Variants in ROCK2 observed in about 807,000 individuals in gnomAD.
ROCK2 encodes Rho associated coiled-coil containing protein kinase 2.
Under a neutral mutation model 195.1 loss-of-function variants are expected in ROCK2, and 61 were observed. The ratio of observed to expected loss-of-function variants is 0.31; its 90% CI spans 0.25 to 0.39. The LOEUF is 0.39. Ranked by LOEUF, ROCK2 falls within the 10% of genes least tolerant of loss-of-function variation. The pLI is 1.00. For missense variants in ROCK2, 1,109 were observed against 1,637.4 expected (o/e 0.68, Z 5.57); for synonymous variants, 504 against 545.5 (o/e 0.92, Z 1.06).
chr2:11,318,410 T>C (rs1668294363), intron 1 of ROCK2, among the ~76,000 whole-genome samples: 1 of 152,228 alleles, frequency 6.6e-6, no homozygotes, highest in Non-Finnish European at 1.5e-5. Flanking sequence ...ATAAATGTCT[T>C]CTTTTGAGAA....
intron 5 of ROCK2, among the ~76,000 whole-genome samples, chr2:11,233,673 A>C (rs1665102161): frequency 6.6e-6 from 1 of 152,226 alleles, no homozygotes; most frequent in Admixed American, 6.5e-5. Flanking sequence ...GCAATGAACT[A>C]ACTGACATCA....
rs541234549 is a variant in ROCK2 at position 11,308,797 on chromosome 2, T to C, written c.142-21061A>G. On this transcript the variant is annotated intron_variant, in intron 1 of 32. Coordinates refer to ENST00000315872, the MANE Select transcript of ROCK2 (RefSeq NM_004850.5). Reference sequence around the variant, plus strand: ...GGTTTACCAGCACCAAGTGTTTTGCTTTCATGGAGATGGATGAAATTAAAC... The same window carrying C: ...GGTTTACCAGCACCAAGTGTTTTGCCTTCATGGAGATGGATGAAATTAAAC... 6.0e-5 allele frequency: 96 copies of C among 1,612,064 alleles called. No individual in the cohort carries two copies. In the African/African-American group the frequency reaches 1.2e-3, roughly 20 times the overall value.
At chr2:11,231,668 C>G (rs1665015817) in intron 5 of ROCK2, among the ~76,000 whole-genome samples, 1 of 152,068 alleles carries the variant, frequency 6.6e-6, no homozygotes, top group Non-Finnish European at 1.5e-5. Flanking sequence ...GTGACTCTCA[C>G]TCACATTTAG....
chr2:11,302,890 G>C (rs887900161), intron 1 of ROCK2, among the ~76,000 whole-genome samples: 2 of 151,878 alleles, frequency 1.3e-5, no homozygotes, highest in Non-Finnish European at 2.9e-5. Flanking sequence ...TTATATATGT[G>C]GCTCACATTA....
At chr2:11,282,687 A>G (rs1667049485) in intron 3 of ROCK2, among the ~76,000 whole-genome samples, 1 of 151,696 alleles carries the variant, frequency 6.6e-6, no homozygotes, top group African/African-American at 2.4e-5. Flanking sequence ...TATCTTGATT[A>G]GAGCAATGGT....
intron 12 of ROCK2, among the ~76,000 whole-genome samples, chr2:11,216,698 T>C (rs1233295974): frequency 1.3e-5 from 2 of 148,888 alleles, no homozygotes; most frequent in African/African-American, 5.0e-5. Flanking sequence ...CACCAGGCCA[T>C]AGCTCTCCGT....
intron 1 of ROCK2, among the ~76,000 whole-genome samples, chr2:11,319,245 GT>G: frequency 6.6e-6 from 1 of 152,292 alleles, no homozygotes; most frequent in East Asian, 1.9e-4. Context: ...AGCATGGAAT[GT>G]TCTTCCATTT....
At chr2:11,222,205 T>C in intron 7 of ROCK2, 31 bp from the exon 8 acceptor site, 1 of 1,236,176 alleles carries the variant, frequency 8.1e-7, no homozygotes, top group Non-Finnish European at 1.2e-6. Flanking sequence ...TTGTATTATT[T>C]AAAAATTATA....
intron 5 of ROCK2, 33 bp from the exon 6 acceptor site, chr2:11,227,431 T>A: frequency 6.3e-7 from 1 of 1,588,424 alleles, no homozygotes; most frequent in South Asian, 1.1e-5. Flanking sequence ...GAAAAAACAG[T>A]TCAGTGTAAA....
intron 3 of ROCK2, among the ~76,000 whole-genome samples, chr2:11,275,139 C>T (rs1352920664): frequency 6.6e-6 from 1 of 151,994 alleles, no homozygotes; most frequent in Non-Finnish European, 1.5e-5. Flanking sequence ...CACCTGTAAT[C>T]CCAGCTATTC....
chr2:11,208,238 C>CTAATT (rs141148984), intron 19 of ROCK2, 49 bp downstream of exon 19: 1 of 1,099,200 alleles, frequency 9.1e-7, no homozygotes, highest in African/African-American at 1.6e-5. Flanking sequence ...ATGAATAAAC[C>CTAATT]TATTAATTCA....
At chr2:11,188,103 A>ATTTTT (rs747304783) in intron 32 of ROCK2, among the ~76,000 whole-genome samples, 763 of 112,418 alleles carry the variant, frequency 6.8e-3, no homozygotes, top group African/African-American at 9.1e-3. Flanking sequence ...CTGGTATATA[A>ATTTTT]TTTTTTTTTT....
chr2:11,270,905 A>G (rs936297028), intron 3 of ROCK2, among the ~76,000 whole-genome samples: 2 of 152,200 alleles, frequency 1.3e-5, no homozygotes, highest in Non-Finnish European at 2.9e-5. Flanking sequence ...TTTCCTTGAT[A>G]GCGGGACATG....
At chr2:11,234,119 A>T (rs1442201671) in intron 5 of ROCK2, 1 of 152,126 alleles carries the variant, frequency 6.6e-6, no homozygotes, top group Non-Finnish European at 1.5e-5. Context: ...ATAATAAATA[A>T]AAATAAATAA....
At chr2:11,207,123 T>C (rs13423864) in intron 20 of ROCK2, among the ~76,000 whole-genome samples, 73,655 of 151,986 alleles carry the variant, frequency 0.48, 18,976 homozygotes, top group Admixed American at 0.56. Flanking sequence ...TGTTATGCTG[T>C]CCAGGATGGC....
Position 11,207,833 on chromosome 2 carries a change from T to A in ROCK2, c.2442A>T (p.Thr814=). ...CLTQNDLKMQ[T]QQVNTLKMSE... is the part of the protein sequence containing the mutation. ...ACATTTTTAGTGTGTTAACCTGTTG[T>A]GTTTGCATCTTCAGGTCATTTTGTG... The change falls in exon 20 of 33, where the codon ACA becomes ACT. Residue 814 remains threonine (T), a synonymous_variant. Transcript: ENST00000315872. 1 of 1,611,096 alleles carries A rather than the reference T, an allele frequency of 6.2e-7. No homozygotes were observed. The highest frequency in any genetic ancestry group is 8.5e-7 in the Non-Finnish European group (1 of 1,177,982).
Position 11,214,940 on chromosome 2 carries a change from G to A in ROCK2, c.1836C>T (p.Ala612=), listed in dbSNP as rs186009900. The A allele has an allele frequency of 1.7e-5, 27 of 1,614,052 alleles. No homozygotes were observed. The African/African-American group carries it at 3.5e-4, about 21-fold the overall frequency. The stretch of plus-strand genomic sequence containing the variant: ...TAAATTCCTTTTCAAGTTTTAACTT[G>A]GCAGTCTCCAGCAGGCAGTTTTTAT... ...LQDKNCLLET[A]KLKLEKEFIN... Residue 612 remains alanine (A), a synonymous_variant, in exon 16 of 33, where the codon GCC becomes GCT. Coordinates refer to ENST00000315872, the MANE Select transcript of ROCK2 (RefSeq NM_004850.5).
At chr2:11,266,221 A>T (rs1414257837) in intron 3 of ROCK2, among the ~76,000 whole-genome samples, 5 of 152,180 alleles carry the variant, frequency 3.3e-5, no homozygotes, top group Admixed American at 2.0e-4. Context: ...CTTCTTGAGG[A>T]GGTGTCACTT....
At chr2:11,226,108 C>T (rs959175275) in intron 6 of ROCK2, among the ~76,000 whole-genome samples, 11 of 152,116 alleles carry the variant, frequency 7.2e-5, no homozygotes, top group African/African-American at 2.7e-4. Context: ...ATATTTTTAA[C>T]TCTAATTAAT....
Sources: allele counts gnomAD v4.1 joint callset (sites outside exome capture counted in the v4.1 genomes callset), GRCh38; gene constraint gnomAD v4.1.1; transcripts MANE v1.5; gene names NCBI Gene and HGNC (gene_info 2026-07-23, HGNC 2026-07-21).